Variants in PTGR2 observed in about 807,000 individuals in gnomAD.
PTGR2 encodes the protein 15-oxoprostaglandin 13-reductase.
In PTGR2, 32 loss-of-function variants were observed where a neutral mutation model predicts 43.4. The ratio of observed to expected loss-of-function variants is 0.74; its 90% confidence interval spans 0.56 to 0.99. PTGR2 has a LOEUF of 0.99. PTGR2 is among the 50% of genes least tolerant of loss of function. The pLI is 0.00. For missense variants in PTGR2, 373 were observed against 420.0 expected, an observed-to-expected ratio of 0.89 and a Z score of 0.98; for synonymous variants, 106 against 139.2, an observed-to-expected ratio of 0.76 and a Z score of 1.68.
rs181788654 is a variant in PTGR2, at chr14:73,877,114, T to A, written c.465T>A (p.Asn155Lys). ...AAGGTCATATAACTGCTGGATCTAA[T>A]AAGACAATGGTTGTCAGTGGGGCCG... ...QEKGHITAGSNKTMVVSGAAG... is the reference protein window; with the variant it reads ...QEKGHITAGSKKTMVVSGAAG... Residue 155 changes from asparagine to lysine, a missense_variant, in exon 5 of 10, where the codon AAT becomes AAA. Transcript: ENST00000555661. The A allele has an allele frequency of 3.1e-6, 5 of 1,614,156 alleles. No individual in the cohort carries two copies. The East Asian group carries it at 1.1e-4, about 36-fold the overall frequency.
chr14:73,873,041 TGG>T (rs2054774197), intron 3 of PTGR2, among the ~76,000 whole-genome samples: 1 of 152,068 alleles, frequency 6.6e-6, no homozygotes, highest in East Asian at 1.9e-4. Flanking sequence ...CCAGGCGTGG[TGG>T]CTCATGCCAG....
At chr14:73,871,895 G>A (rs2054742908) in intron 3 of PTGR2, among the ~76,000 whole-genome samples, 1 of 152,016 alleles carries the variant, frequency 6.6e-6, no homozygotes, top group African/African-American at 2.4e-5. Context: ...AGTGTCTATG[G>A]CTGCACTTGC....
chr14:73,853,049 G>A (rs1488541423), intron 1 of PTGR2, among the ~76,000 whole-genome samples: 1 of 152,036 alleles, frequency 6.6e-6, no homozygotes, highest in Non-Finnish European at 1.5e-5. Flanking sequence ...TCGAATTCCT[G>A]GCCTCAAGTG....
At chr14:73,878,962 T>G (rs1219504997) in intron 5 of PTGR2, 134 bp from the exon 6 acceptor site, 1 of 686,092 alleles carries the variant, frequency 1.5e-6, no homozygotes, top group African/African-American at 1.8e-5. Context: ...AAATTACTTT[T>G]CATTAAAAGC....
intron 3 of PTGR2, among the ~76,000 whole-genome samples, chr14:73,863,913 G>A (rs2054547464): frequency 6.6e-6 from 1 of 152,056 alleles, no homozygotes; most frequent in South Asian, 2.1e-4. Context: ...ATCACACCTG[G>A]CCGACTCATA....
At chr14:73,852,278 G>A (rs1282153670) in intron 1 of PTGR2, among the ~76,000 whole-genome samples, 2 of 151,822 alleles carry the variant, frequency 1.3e-5, no homozygotes, top group Non-Finnish European at 2.9e-5. Context: ...TTGTGTGTGT[G>A]ACGGAGTCTC....
Position 73,885,319 on chromosome 14 carries a change from C to G in PTGR2, c.*1142C>G, listed in dbSNP as rs2055104242. 6.6e-6 allele frequency: 1 copy of G among 152,190 alleles called. No individual in the cohort carries two copies. Among genetic ancestry groups the G allele is most frequent in the South Asian group, 2.1e-4 (1 of 4,832 alleles). The allele number at this position is 152,190 out of a possible 1,614,324, so 9.4% of individuals were successfully genotyped here. ...AACAAAAACAGATTGACAACAAAGA[C>G]AGTTTCAGAAAATGACAGGACTGGG... On this transcript the variant is annotated 3_prime_UTR_variant, in exon 10 of 10. Coordinates refer to ENST00000555661, the MANE Select transcript of PTGR2 (RefSeq NM_001146154.2).
Position 73,858,876 on chromosome 14 carries a change from G to C in PTGR2, c.14G>C (p.Arg5Thr), listed in dbSNP as rs778476924. The C allele has an allele frequency of 1.5e-5, 24 of 1,611,846 alleles. No homozygotes were observed. The East Asian group carries it at 5.4e-4, about 36-fold the overall frequency. The change falls in exon 2 of 10, where the codon AGA (arginine) becomes ACA (threonine). Residue 5 changes from arginine to threonine, a missense_variant. By Grantham distance (71) the Arg-to-Thr change is moderately conservative (BLOSUM62 -1). Coordinates refer to ENST00000555661, the MANE Select transcript of PTGR2 (RefSeq NM_001146154.2). ...CCAACCAGAGCAATGATTGTTCAAAGAGTGGTATTGAATTCTCGACCTGGT... is the reference window on the plus strand; with the variant it reads ...CCAACCAGAGCAATGATTGTTCAAACAGTGGTATTGAATTCTCGACCTGGT... MIVQ[R>T]VVLNSRPGKN...
chr14:73,862,453 C>T (rs1006210965), intron 3 of PTGR2, among the ~76,000 whole-genome samples: 9 of 152,050 alleles, frequency 5.9e-5, no homozygotes, highest in African/African-American at 9.7e-5. Context: ...GTGATCCACC[C>T]GCCTCGGCCT....
intron 6 of PTGR2, chr14:73,879,840 G>T: frequency 2.0e-6 from 1 of 491,350 alleles, no homozygotes; most frequent in South Asian, 2.3e-5. Context: ...TAATTCTTTT[G>T]CTGATTACCA....
At chr14:73,874,982 C>T (rs142209667) in intron 4 of PTGR2, among the ~76,000 whole-genome samples, 3,063 of 152,128 alleles carry the variant, frequency 0.02, 32 homozygotes, top group Middle Eastern at 0.065. Flanking sequence ...CCTCAGTCTC[C>T]CGAGTAGCTG....
At chr14:73,853,143 A>G (rs1432261919) in intron 1 of PTGR2, among the ~76,000 whole-genome samples, 1 of 152,048 alleles carries the variant, frequency 6.6e-6, no homozygotes, top group Non-Finnish European at 1.5e-5. Flanking sequence ...TTTTATAACA[A>G]GGCGTGGTCA....
At chr14:73,859,776 C>G (rs2054442857) in intron 2 of PTGR2, among the ~76,000 whole-genome samples, 1 of 131,572 alleles carries the variant, frequency 7.6e-6, no homozygotes, top group Admixed American at 7.7e-5. Context: ...AGAGTAAGAC[C>G]TTGTCTCTAA....
At chr14:73,864,303 T>C (rs143992670) in intron 3 of PTGR2, among the ~76,000 whole-genome samples, 1 of 152,362 alleles carries the variant, frequency 6.6e-6, no homozygotes, top group African/African-American at 2.4e-5. Context: ...CTTGGGTATA[T>C]ACATAAGAGT....
chr14:73,873,531 C>A (rs764167041), intron 3 of PTGR2, among the ~76,000 whole-genome samples: 40 of 150,740 alleles, frequency 2.7e-4, no homozygotes, highest in Non-Finnish European at 5.2e-4. Context: ...GTGGTGCAAT[C>A]TTGGCTCACT....
At chr14:73,883,816 G>A (rs1318229557) in intron 9 of PTGR2, among the ~76,000 whole-genome samples, 3 of 150,610 alleles carry the variant, frequency 2.0e-5, no homozygotes, top group Non-Finnish European at 4.4e-5. Flanking sequence ...ATTTTTTTTT[G>A]CCTCTAGTCT....
chr14:73,868,607 CTCTA>C (rs1424443737), intron 3 of PTGR2, among the ~76,000 whole-genome samples: 2 of 152,056 alleles, frequency 1.3e-5, no homozygotes, highest in African/African-American at 4.8e-5. Context: ...TAAACTCCTC[CTCTA>C]TCTAACTCAC....
chr14:73,866,062 C>T (rs1048342368), intron 3 of PTGR2, among the ~76,000 whole-genome samples: 7 of 150,738 alleles, frequency 4.6e-5, no homozygotes, highest in Non-Finnish European at 1.0e-4. Context: ...AGTGCAGTGG[C>T]GCTATCTTGG....
At chr14:73,871,701 G>A (rs530195643) in intron 3 of PTGR2, among the ~76,000 whole-genome samples, 4 of 152,226 alleles carry the variant, frequency 2.6e-5, no homozygotes, top group Admixed American at 2.6e-4. Flanking sequence ...GGAATTAGGG[G>A]ACACCCAGTT....
Sources: allele counts gnomAD v4.1 joint callset (sites outside exome capture counted in the v4.1 genomes callset), GRCh38; gene constraint gnomAD v4.1.1; transcripts MANE v1.5; gene names NCBI Gene and HGNC (gene_info 2026-07-23, HGNC 2026-07-21).